Variants in RIN2 observed in about 807,000 individuals in gnomAD.
The protein encoded by RIN2 is Ras and Rab interactor 2.
RIN2 carries 36 observed loss-of-function variants against 78.0 expected under a neutral mutation model. The ratio of observed to expected loss-of-function variants is 0.46; its 90% confidence interval spans 0.35 to 0.61. The LOEUF is 0.61. RIN2 is among the 20% of genes least tolerant of loss of function. The pLI is 0.00. For missense variants in RIN2, 1,087 were observed against 1,159.7 expected, an observed-to-expected ratio of 0.94 and a Z score of 0.91; for synonymous variants, 466 against 466.8, an observed-to-expected ratio of 1.00 and a Z score of 0.02.
intron 4 of RIN2, among the ~76,000 whole-genome samples, chr20:19,956,271 A>AG (rs1393942557): frequency 2.0e-5 from 3 of 151,584 alleles, no homozygotes; most frequent in African/African-American, 7.3e-5. Context: ...AAAAAAAAAA[A>AG]AAAAAAGAAA....
In RIN2 at chr20:20,000,729, G is replaced by A; in HGVS notation, c.2481G>A (p.Lys827=). 3.7e-6 allele frequency: 6 copies of A among 1,614,010 alleles called. No homozygotes were observed. The highest frequency in any genetic ancestry group is 5.1e-6 in the Non-Finnish European group (6 of 1,179,892). ...DVCQICAEKF[K]VGDPEEYSLF... ...GTCAGATCTGCGCTGAGAAGTTCAAGGTGGGGGACCCTGAGGAGTACAGCC... is the reference window on the plus strand; with the variant it reads ...GTCAGATCTGCGCTGAGAAGTTCAAAGTGGGGGACCCTGAGGAGTACAGCC... The change falls in exon 13 of 13, where the codon AAG becomes AAA. Residue 827 remains lysine (K), a synonymous_variant. Transcript: ENST00000255006.
chr20:19,968,002 G>C (rs953094016), intron 7 of RIN2, among the ~76,000 whole-genome samples: 1 of 152,220 alleles, frequency 6.6e-6, no homozygotes, highest in East Asian at 1.9e-4. Context: ...TTGAACTCAG[G>C]CCTGCCTTAA....
chr20:19,829,149 A>G (rs973830500), intron 2 of RIN2, among the ~76,000 whole-genome samples: 3 of 152,132 alleles, frequency 2.0e-5, no homozygotes, highest in Non-Finnish European at 2.9e-5. Context: ...GCTTTGGGTG[A>G]GAGGTTCATG....
intron 4 of RIN2, 61 bp downstream of exon 4, chr20:19,935,260 G>C (rs781463900): frequency 6.3e-6 from 9 of 1,430,640 alleles, no homozygotes; most frequent in Non-Finnish European, 7.6e-6. Context: ...CCCTGGCACT[G>C]CCAAGGGCTG....
intron 2 of RIN2, among the ~76,000 whole-genome samples, chr20:19,856,545 AAGAG>A (rs1399737157): frequency 6.7e-6 from 1 of 150,154 alleles, no homozygotes; most frequent in Non-Finnish European, 1.5e-5. Flanking sequence ...AAAAAAAAAA[AAGAG>A]AGAGGGAGAG....
At chr20:19,823,079 C>G (rs942295305) in intron 2 of RIN2, among the ~76,000 whole-genome samples, 6 of 151,434 alleles carry the variant, frequency 4.0e-5, no homozygotes, top group Non-Finnish European at 2.9e-5. Flanking sequence ...GCCCATTTTA[C>G]AGATGAGGAA....
intron 6 of RIN2, among the ~76,000 whole-genome samples, chr20:19,962,760 C>A (rs552481632): frequency 6.6e-6 from 1 of 152,260 alleles, no homozygotes; most frequent in East Asian, 1.9e-4. Flanking sequence ...GGTTCGAGAC[C>A]AGCCTGGGCA....
At chr20:19,886,728 C>T (rs1179471753) in intron 2 of RIN2, 3 of 1,544,978 alleles carry the variant, frequency 1.9e-6, no homozygotes, top group Admixed American at 2.0e-5. Flanking sequence ...AGGAAAAGAA[C>T]AAGCTTCCAA....
intron 3 of RIN2, among the ~76,000 whole-genome samples, chr20:19,916,002 G>A (rs2039668729): frequency 6.6e-6 from 1 of 152,324 alleles, no homozygotes; most frequent in South Asian, 2.1e-4. Context: ...AGCACTTTGG[G>A]AGGCCGAGGC....
intron 1 of RIN2, among the ~76,000 whole-genome samples, chr20:19,789,230 T>A (rs1487553284): frequency 6.6e-6 from 1 of 152,142 alleles, no homozygotes; most frequent in Admixed American, 6.5e-5. Flanking sequence ...AGGAAAAAAA[T>A]AAAACTTGAT....
At chr20:19,900,493 A>T (rs190397430) in intron 3 of RIN2, among the ~76,000 whole-genome samples, 61 of 151,142 alleles carry the variant, frequency 4.0e-4, no homozygotes, top group Admixed American at 1.1e-3. Context: ...ATAAAAAAAT[A>T]AAAACCGTCC....
At chr20:19,835,310 ATGTG>A (rs1005024503) in intron 2 of RIN2, among the ~76,000 whole-genome samples, 9 of 152,088 alleles carry the variant, frequency 5.9e-5, no homozygotes, top group African/African-American at 2.2e-4. Flanking sequence ...GTGGTGGTGA[ATGTG>A]TGTATCTATA....
At chr20:19,761,494 A>G (rs547908682) in intron 1 of RIN2, among the ~76,000 whole-genome samples, 2 of 152,304 alleles carry the variant, frequency 1.3e-5, no homozygotes, top group South Asian at 2.1e-4. Context: ...ATGCTTGCCA[A>G]CTTTATTTGG....
At chr20:19,811,385 G>C (rs1214408578) in intron 2 of RIN2, among the ~76,000 whole-genome samples, 1 of 152,130 alleles carries the variant, frequency 6.6e-6, no homozygotes, top group African/African-American at 2.4e-5. Flanking sequence ...CATTGGTGAG[G>C]ACTGCTCCAA....
chr20:19,884,700 C>T (rs7273995), intron 2 of RIN2, among the ~76,000 whole-genome samples: 20,000 of 152,012 alleles, frequency 0.13, 1,567 homozygotes, highest in East Asian at 0.29. Context: ...GTCTGTCCAA[C>T]GTGTAAAATA....
intron 3 of RIN2, among the ~76,000 whole-genome samples, chr20:19,915,762 T>C (rs1355699012): frequency 6.6e-6 from 1 of 152,236 alleles, no homozygotes; most frequent in African/African-American, 2.4e-5. Context: ...CTCTGCTCTC[T>C]TCCTTCCCTA....
intron 2 of RIN2, among the ~76,000 whole-genome samples, chr20:19,830,163 T>A (rs540991071): frequency 1.3e-5 from 2 of 152,352 alleles, no homozygotes; most frequent in South Asian, 4.1e-4. Context: ...ATTTGCATTT[T>A]AAAATATCAT....
intron 3 of RIN2, among the ~76,000 whole-genome samples, chr20:19,929,071 A>G (rs781530020): frequency 6.6e-5 from 10 of 152,146 alleles, no homozygotes; most frequent in Non-Finnish European, 1.5e-4. Context: ...GGTCTCACCA[A>G]CTTTGTGCCT....
At chr20:19,888,719 G>T (rs574691565) in intron 2 of RIN2, among the ~76,000 whole-genome samples, 1 of 152,370 alleles carries the variant, frequency 6.6e-6, no homozygotes, top group African/African-American at 2.4e-5. Flanking sequence ...GGGTAAGGAA[G>T]GGTTTGGGGT....
Sources: allele counts gnomAD v4.1 joint callset (sites outside exome capture counted in the v4.1 genomes callset), GRCh38; gene constraint gnomAD v4.1.1; transcripts MANE v1.5; gene names NCBI Gene and HGNC (gene_info 2026-07-23, HGNC 2026-07-21).